The following MCTP1 variants were observed in gnomAD, a reference collection of about 807,000 sequenced individuals.
The protein encoded by MCTP1 is multiple C2 and transmembrane domain-containing protein 1.
Under a neutral mutation model 120.6 loss-of-function variants are expected in MCTP1, and 69 were observed. The ratio of observed to expected loss-of-function variants is 0.57; its 90% confidence interval spans 0.47 to 0.70. The LOEUF (loss-of-function observed/expected upper bound fraction) is 0.70. MCTP1 is among the 30% of genes least tolerant of loss of function. The probability of loss-of-function intolerance (pLI) is 0.00; values close to 1 mark genes in which losing one functional copy is unlikely to be tolerated. For missense variants in MCTP1, 1,203 were observed against 1,248.8 expected (o/e 0.96, Z 0.55); for synonymous variants, 529 against 493.1 (o/e 1.07, Z -0.96).
intron 19 of MCTP1, among the ~76,000 whole-genome samples, chr5:94,721,622 C>T (rs1249885954): frequency 6.6e-6 from 1 of 152,168 alleles, no homozygotes; most frequent in Non-Finnish European, 1.5e-5. Context: ...GAAGTAATTA[C>T]TCTTTCTATA....
intron 5 of MCTP1, among the ~76,000 whole-genome samples, chr5:94,939,826 C>T (rs1441356614): frequency 6.6e-6 from 1 of 151,870 alleles, no homozygotes. Flanking sequence ...TATAGCATGT[C>T]TGAAATTGAG....
rs1331413745 is a variant in MCTP1 at position 95,205,901 on chromosome 5, T to A, written c.720+77955A>T. 6.6e-5 allele frequency among the ~76,000 whole-genome samples: 10 copies of A among 152,278 alleles called. No individual in the cohort carries two copies. In the East Asian group the frequency reaches 1.4e-3, roughly 21 times the overall value. On this transcript the variant is annotated intron_variant, in intron 1 of 22. Coordinates refer to ENST00000515393, the MANE Select transcript of MCTP1 (RefSeq NM_024717.7). ...GGAAAATAACAAGTGTTGACAAGGATGTGGAAAAACTAGGATATTCATACA... is the reference window on the plus strand; with the variant it reads ...GGAAAATAACAAGTGTTGACAAGGAAGTGGAAAAACTAGGATATTCATACA...
At chr5:95,167,509 G>C (rs1746574314) in intron 1 of MCTP1, among the ~76,000 whole-genome samples, 1 of 152,154 alleles carries the variant, frequency 6.6e-6, no homozygotes, top group South Asian at 2.1e-4. Flanking sequence ...GGTCAAACTA[G>C]TTTACAGTCC....
chr5:94,900,652 T>C (rs1007805095), intron 10 of MCTP1, among the ~76,000 whole-genome samples: 1 of 152,208 alleles, frequency 6.6e-6, no homozygotes, highest in African/African-American at 2.4e-5. Context: ...GATCCTTACT[T>C]CAGAATGAGC....
At position 95,000,862 on chromosome 5, in the gene MCTP1, G is replaced by A. The variant is rs1170396581; in HGVS notation, c.838+16505C>T. On this transcript the variant is annotated intron_variant, in intron 2 of 22. Transcript: ENST00000515393. ...ACATCTACTCACTGACTCACCCAGA[G>A]CAACTTGCAATCCTACAAGCACCAT... 5.3e-5 allele frequency among the ~76,000 whole-genome samples: 8 copies of A among 152,194 alleles called. No homozygotes were observed. The East Asian group carries it at 1.5e-3, about 29-fold the overall frequency.
At chr5:94,982,884 CAAAAAA>C (rs34561115) in intron 2 of MCTP1, among the ~76,000 whole-genome samples, 86 of 28,614 alleles carry the variant, frequency 3.0e-3, no homozygotes, top group South Asian at 0.025. Flanking sequence ...CACACTTCAT[CAAAAAA>C]AAAAAAAAAA....
chr5:95,023,126 C>T (rs1838521677), intron 1 of MCTP1, among the ~76,000 whole-genome samples: 1 of 152,150 alleles, frequency 6.6e-6, no homozygotes, highest in Non-Finnish European at 1.5e-5. Flanking sequence ...AAGGAGGTTT[C>T]ACTCTGTGGG....
chr5:94,925,535 A>G (rs547438695), intron 6 of MCTP1, among the ~76,000 whole-genome samples: 7 of 152,104 alleles, frequency 4.6e-5, no homozygotes, highest in African/African-American at 1.4e-4. Flanking sequence ...CAGCCTCCCA[A>G]GTAGCTGGGA....
chr5:95,262,799 T>TA (rs1449327251), intron 1 of MCTP1, among the ~76,000 whole-genome samples: 1 of 152,142 alleles, frequency 6.6e-6, no homozygotes, highest in East Asian at 1.9e-4. Context: ...ATTAAAAAAA[T>TA]AAAAAATAAA....
At chr5:94,921,353 A>T (rs552670493) in intron 7 of MCTP1, among the ~76,000 whole-genome samples, 2 of 152,392 alleles carry the variant, frequency 1.3e-5, no homozygotes, top group African/African-American at 4.8e-5. Flanking sequence ...ATTAAGATAC[A>T]GCAAGTAGCA....
chr5:94,983,419 T>A (rs947128509), intron 2 of MCTP1, among the ~76,000 whole-genome samples: 24 of 152,190 alleles, frequency 1.6e-4, no homozygotes, highest in African/African-American at 5.8e-4. Context: ...TAGCTGAAAG[T>A]CTTTTATTAG....
At chr5:94,944,313 T>A (rs1258657008) in intron 3 of MCTP1, among the ~76,000 whole-genome samples, 2 of 152,152 alleles carry the variant, frequency 1.3e-5, no homozygotes, top group Admixed American at 6.6e-5. Flanking sequence ...TTCTCCTTGA[T>A]CAATTACACT....
At chr5:94,884,073 T>C (rs1229101799) in intron 12 of MCTP1, among the ~76,000 whole-genome samples, 1 of 152,170 alleles carries the variant, frequency 6.6e-6, no homozygotes, top group African/African-American at 2.4e-5. Context: ...AAAATATACC[T>C]TCATGACACA....
intron 19 of MCTP1, 41 bp from the exon 20 acceptor site, chr5:94,714,927 ATTC>A (rs1758517886): frequency 8.9e-7 from 1 of 1,121,736 alleles, no homozygotes; most frequent in Non-Finnish European, 1.4e-6. Context: ...GAGTAAAGGT[ATTC>A]TTCATTGCTT....
At chr5:94,754,366 C>T (rs754477735) in intron 19 of MCTP1, among the ~76,000 whole-genome samples, 33 of 152,244 alleles carry the variant, frequency 2.2e-4, no homozygotes, top group Non-Finnish European at 4.3e-4. Context: ...CTATAATTGG[C>T]TATGCATAGT....
intron 1 of MCTP1, among the ~76,000 whole-genome samples, chr5:95,083,946 T>C (rs1755233350): frequency 6.6e-6 from 1 of 152,190 alleles, no homozygotes; most frequent in Non-Finnish European, 1.5e-5. Context: ...CTAGATGCAC[T>C]GAGATGCATA....
chr5:95,234,771 T>C (rs1755352600), intron 1 of MCTP1, among the ~76,000 whole-genome samples: 1 of 152,100 alleles, frequency 6.6e-6, no homozygotes, highest in Non-Finnish European at 1.5e-5. Flanking sequence ...AGATGCAAAC[T>C]CCCAAAGCTG....
rs1343192826 is a variant in MCTP1 at position 94,706,344 on chromosome 5, T to G, written c.*1152A>C. The stretch of plus-strand genomic sequence containing the variant: ...GTCTTGGGAATGCAATTTTTAAGTA[T>G]AGATTCTATGATAATAGTGAAACAT... On this transcript the variant is annotated 3_prime_UTR_variant, in exon 23 of 23. Coordinates refer to ENST00000515393, the MANE Select transcript of MCTP1 (RefSeq NM_024717.7). 4 of 151,608 alleles carry G rather than the reference T, an allele frequency of 2.6e-5. No individual in the cohort carries two copies. The allele number at this position is 151,608 out of a possible 1,614,324, so 9.4% of individuals were successfully genotyped here.
chr5:94,841,125 A>G (rs1410598083), intron 17 of MCTP1, among the ~76,000 whole-genome samples: 2 of 152,202 alleles, frequency 1.3e-5, no homozygotes, highest in Admixed American at 6.5e-5. Flanking sequence ...GGTGACGAGT[A>G]GGTGTGCCCT....
Sources: gnomAD v4.1 joint callset for allele counts (sites outside exome capture counted in the v4.1 genomes callset) on GRCh38, gnomAD v4.1.1 for gene constraint, MANE v1.5 for transcripts, NCBI Gene and HGNC (gene_info 2026-07-23, HGNC 2026-07-21) for gene names.